Variants in NAV2 observed in about 807,000 individuals in gnomAD.
The protein encoded by NAV2 is helicase, APC down-regulated 1.
Under a neutral mutation model 223.2 loss-of-function variants are expected in NAV2, and 54 were observed. That is an observed-to-expected ratio of 0.24 (90% CI 0.19 to 0.30). The LOEUF is 0.30. NAV2 is among the 10% of genes least tolerant of loss of function. The probability of loss-of-function intolerance (pLI) is 1.00; values close to 1 mark genes in which losing one functional copy is unlikely to be tolerated. For synonymous variants in NAV2, 1,279 were observed against 1,239.3 expected (o/e 1.03, Z -0.67); for missense variants, 2,806 against 3,147.5 (o/e 0.89, Z 2.60).
chr11:19,739,824 C>A (rs750606279), intron 1 of NAV2, among the ~76,000 whole-genome samples: 1 of 152,168 alleles, frequency 6.6e-6, no homozygotes, highest in African/African-American at 2.4e-5. Flanking sequence ...AAGGAAGCAG[C>A]GGCTGGCAGC....
At chr11:19,659,757 C>CCT (rs2135720694) in intron 1 of NAV2, among the ~76,000 whole-genome samples, 1 of 152,222 alleles carries the variant, frequency 6.6e-6, no homozygotes, top group South Asian at 2.1e-4. Flanking sequence ...TCCTGAGTTT[C>CCT]AATCCTAACC....
intron 1 of NAV2, among the ~76,000 whole-genome samples, chr11:19,828,422 G>A (rs796748415): frequency 0.037 from 3,295 of 89,092 alleles, no homozygotes; most frequent in African/African-American, 0.049. Context: ...AGGTACCTCT[G>A]TAAGTGGAAA....
In NAV2 at chr11:19,715,737, T is replaced by C. The variant is rs1307880346; in HGVS notation, c.267+1775T>C. ...GCTTCTCTCTGAGGGGCTGGAACAG[T>C]CCACTTCCCTCAAGACTTTGCTTCC... On this transcript the variant is annotated intron_variant, in intron 1 of 37. Transcript: ENST00000349880. 2.0e-5 allele frequency among the ~76,000 whole-genome samples: 3 copies of C among 152,210 alleles called. No individual in the cohort carries two copies. In the East Asian group the frequency reaches 5.8e-4, roughly 29 times the overall value.
intron 1 of NAV2, among the ~76,000 whole-genome samples, chr11:19,618,680 A>G (rs2046888710): frequency 6.6e-6 from 1 of 152,192 alleles, no homozygotes; most frequent in Non-Finnish European, 1.5e-5. Context: ...GGCCAGACAA[A>G]GAAAAATCAG....
chr11:19,777,697 A>G, intron 1 of NAV2: 1 of 398,384 alleles, frequency 2.5e-6, no homozygotes, highest in South Asian at 1.8e-5. Context: ...GTGTGTTTAA[A>G]CCAGGAAAGT....
At chr11:19,635,485 G>T (rs1262249943) in intron 1 of NAV2, among the ~76,000 whole-genome samples, 1 of 152,124 alleles carries the variant, frequency 6.6e-6, no homozygotes, top group Non-Finnish European at 1.5e-5. Context: ...AAAGAAAAGA[G>T]GTTTATTTGG....
At chr11:19,698,375 A>G (rs183141170) in intron 1 of NAV2, among the ~76,000 whole-genome samples, 6 of 152,346 alleles carry the variant, frequency 3.9e-5, no homozygotes, top group Middle Eastern at 3.4e-3. Context: ...AACTGCCATT[A>G]CTGAATTCTA....
chr11:19,687,240 G>A (rs1057312164), intron 1 of NAV2, among the ~76,000 whole-genome samples: 3 of 152,226 alleles, frequency 2.0e-5, no homozygotes, highest in Non-Finnish European at 4.4e-5. Flanking sequence ...AGCCCTGGGA[G>A]CCATACAGCA....
chr11:20,100,912 T>A (rs377271882), intron 31 of NAV2, 25 bp from the exon 32 acceptor site: 173 of 1,600,290 alleles, frequency 1.1e-4, no homozygotes, highest in Non-Finnish European at 1.5e-4. Flanking sequence ...GGGCTTCAGA[T>A]GATTCCTGTC....
intron 1 of NAV2, among the ~76,000 whole-genome samples, chr11:19,752,323 G>T (rs1336427196): frequency 6.6e-6 from 1 of 152,186 alleles, no homozygotes; most frequent in Non-Finnish European, 1.5e-5. Flanking sequence ...GGGCCACACT[G>T]ATGTTGTTTC....
chr11:19,648,126 A>C (rs2047868956), intron 1 of NAV2, among the ~76,000 whole-genome samples: 2 of 152,208 alleles, frequency 1.3e-5, no homozygotes, highest in African/African-American at 4.8e-5. Flanking sequence ...TGTGAAAAGC[A>C]GTTATTATTA....
At chr11:19,418,577 A>G (rs1850477295) in intron 1 of NAV2, among the ~76,000 whole-genome samples, 1 of 152,220 alleles carries the variant, frequency 6.6e-6, no homozygotes, top group Non-Finnish European at 1.5e-5. Flanking sequence ...TTACCAGCAT[A>G]TGATGGTAGG....
intron 1 of NAV2, among the ~76,000 whole-genome samples, chr11:19,624,903 T>A (rs577094668): frequency 6.6e-6 from 1 of 152,208 alleles, no homozygotes; most frequent in Non-Finnish European, 1.5e-5. Flanking sequence ...GAACCAGATC[T>A]TTCAAAATAT....
At chr11:19,472,430 A>C (rs2041992826) in intron 1 of NAV2, among the ~76,000 whole-genome samples, 1 of 152,182 alleles carries the variant, frequency 6.6e-6, no homozygotes, top group Non-Finnish European at 1.5e-5. Flanking sequence ...TAAAGTGCCT[A>C]GAACGATACC....
rs187539567 is a variant in NAV2 at position 19,399,561 on chromosome 11, A to C, written c.75+48534A>C. Among the ~76,000 whole-genome samples the C allele has an allele frequency of 2.6e-3, 400 of 152,328 alleles. 3 individuals are homozygous for C. Among genetic ancestry groups the C allele is most frequent in the African/African-American group, 8.9e-3 (368 of 41,576 alleles). On this transcript the variant is annotated intron_variant, in intron 1 of 37. Transcript: ENST00000360655. ...AGAGCCCACAAGCCTACAGTGTGGG[A>C]GCAGTGGACAGATGGGGGTCAGAGC...
At chr11:20,058,282 G>T (rs1052893373) in intron 19 of NAV2, among the ~76,000 whole-genome samples, 1 of 152,188 alleles carries the variant, frequency 6.6e-6, no homozygotes, top group Admixed American at 6.5e-5. Flanking sequence ...GGAAGAAGTA[G>T]CACAAGTATT....
rs182827304 is a variant in NAV2 at position 19,879,725 on chromosome 11, G to A, written c.512-144G>A. The A allele has an allele frequency of 1.0e-5, 10 of 967,018 alleles. No homozygotes were observed. In the East Asian group the frequency reaches 2.2e-4, roughly 21 times the overall value. The allele number at this position is 967,018 out of a possible 1,614,324, so 59.9% of individuals were successfully genotyped here. On this transcript the variant is annotated intron_variant, in intron 4 of 37. Coordinates refer to ENST00000349880, the MANE Select transcript of NAV2 (RefSeq NM_145117.5). ...GCTAATTTCTTTGTGGTATAGGCCT[G>A]ATTTTAATTGCCTGTGATACCAATG...
chr11:19,441,982 G>A (rs1178237212), intron 1 of NAV2, among the ~76,000 whole-genome samples: 1 of 152,240 alleles, frequency 6.6e-6, no homozygotes, highest in Admixed American at 6.5e-5. Context: ...GCAACGTGTG[G>A]TTTAATTGTG....
chr11:19,577,750 G>A (rs901531293), intron 1 of NAV2, among the ~76,000 whole-genome samples: 1 of 152,164 alleles, frequency 6.6e-6, no homozygotes, highest in Admixed American at 6.5e-5. Flanking sequence ...GGGTGAGAGG[G>A]AAGAATTGAG....
Sources: gnomAD v4.1 joint callset for allele counts (sites outside exome capture counted in the v4.1 genomes callset) on GRCh38, gnomAD v4.1.1 for gene constraint, MANE v1.5 for transcripts, NCBI Gene and HGNC (gene_info 2026-07-23, HGNC 2026-07-21) for gene names.